Variants in EYS observed in about 807,000 individuals in gnomAD.
EYS encodes EGF-like photoreceptor maintenance factor, also known as protein eyes shut homolog.
EYS carries 250 observed loss-of-function variants against 282.1 expected under a neutral mutation model. The ratio of observed to expected loss-of-function variants is 0.89; its 90% confidence interval spans 0.80 to 0.98. The LOEUF (loss-of-function observed/expected upper bound fraction) is 0.98. Among genes scored for constraint, EYS ranks in the 50% least tolerant of loss-of-function variants. The pLI, the probability that EYS is intolerant of heterozygous loss-of-function variation, is 0.00. For missense variants in EYS, 4,016 were observed against 3,709.0 expected (o/e 1.08, Z -2.15); for synonymous variants, 1,355 against 1,282.9 (o/e 1.06, Z -1.20).
intron 12 of EYS, among the ~76,000 whole-genome samples, chr6:65,279,479 T>C (rs533070199): frequency 3.3e-5 from 5 of 152,324 alleles, no homozygotes; most frequent in East Asian, 3.9e-4. Flanking sequence ...CCCTAACTTA[T>C]ATTTTTCAGT....
intron 12 of EYS, among the ~76,000 whole-genome samples, chr6:65,057,991 A>T (rs1773466562): frequency 6.6e-6 from 1 of 152,254 alleles, no homozygotes; most frequent in Middle Eastern, 3.4e-3. Flanking sequence ...GATGTGAACT[A>T]ATTTATCTTT....
chr6:64,670,004 A>C (rs555070185), intron 22 of EYS, among the ~76,000 whole-genome samples: 2 of 152,246 alleles, frequency 1.3e-5, no homozygotes, highest in South Asian at 4.1e-4. Context: ...AATCTTTTAA[A>C]AACTCTTATA....
chr6:64,685,558 C>G (rs1441646814), intron 22 of EYS, among the ~76,000 whole-genome samples: 1 of 152,150 alleles, frequency 6.6e-6, no homozygotes, highest in Non-Finnish European at 1.5e-5. Context: ...CAGTCTCTCT[C>G]TTGCTTCCTC....
intron 31 of EYS, among the ~76,000 whole-genome samples, chr6:64,125,351 A>G (rs1773740221): frequency 6.6e-6 from 1 of 151,964 alleles, no homozygotes; most frequent in Admixed American, 6.6e-5. Flanking sequence ...GTTCCCATGC[A>G]TGGGTCAGCC....
chr6:63,968,300 C>A (rs1766398827), intron 35 of EYS, among the ~76,000 whole-genome samples: 1 of 152,082 alleles, frequency 6.6e-6, no homozygotes, highest in Non-Finnish European at 1.5e-5. Flanking sequence ...TAGCTTACAT[C>A]ATAATATTTT....
chr6:64,779,173 C>T (rs961914366), intron 22 of EYS, among the ~76,000 whole-genome samples: 13 of 152,216 alleles, frequency 8.5e-5, no homozygotes, highest in African/African-American at 2.9e-4. Context: ...AATTTGTGTA[C>T]ACTCAAAAAC....
At chr6:64,543,649 C>T (rs1321001378) in intron 26 of EYS, among the ~76,000 whole-genome samples, 1 of 152,030 alleles carries the variant, frequency 6.6e-6, no homozygotes, top group Non-Finnish European at 1.5e-5. Flanking sequence ...TCAACTTTAC[C>T]AAACACTATT....
At chr6:63,960,231 A>T (rs575727090) in intron 35 of EYS, among the ~76,000 whole-genome samples, 1 of 152,270 alleles carries the variant, frequency 6.6e-6, no homozygotes, top group African/African-American at 2.4e-5. Context: ...CATGTGGATG[A>T]CTTTGAGGGT....
intron 2 of EYS, among the ~76,000 whole-genome samples, chr6:65,572,576 C>T (rs1396078864): frequency 3.3e-5 from 5 of 151,962 alleles, no homozygotes; most frequent in Admixed American, 2.6e-4. Flanking sequence ...CAGTCATGTG[C>T]CACATAAGAG....
At chr6:64,313,004 A>C (rs1769783949) in intron 29 of EYS, among the ~76,000 whole-genome samples, 1 of 152,242 alleles carries the variant, frequency 6.6e-6, no homozygotes, top group Non-Finnish European at 1.5e-5. Context: ...CCTTGCAGCA[A>C]GGGAACAAAA....
At position 64,066,049 on chromosome 6, in the gene EYS, G is replaced by A. The variant is rs796553478; in HGVS notation, c.6725+289C>T. Among the ~76,000 whole-genome samples the A allele has an allele frequency of 1.2e-4, 18 of 152,172 alleles. 1 individual carries two copies. Among genetic ancestry groups the A allele is most frequent in the African/African-American group, 3.4e-4 (14 of 41,518 alleles). On this transcript the variant is annotated intron_variant, in intron 33 of 42. Coordinates refer to ENST00000503581, the MANE Select transcript of EYS (RefSeq NM_001142800.2). ...TAGGCCTAGGAGGATGAATCATGAG[G>A]TCAGGAGTTTGAGACCAGCCTGGCC...
chr6:65,495,130 G>A lies in EYS; in HGVS notation c.281C>T (p.Pro94Leu), dbSNP rs111947397. ...LGDILVISSEPSLQFPEINLM... is the reference protein window; with the variant it reads ...LGDILVISSELSLQFPEINLM... ...ATTTATTTCTGGAAATTGAAGAGAT[G>A]GTTCAGAAGAAATTACAAGGATATC... The change falls in exon 4 of 43, where the codon CCA becomes CTA. Residue 94 changes from proline (P) to leucine (L), a missense_variant. By Grantham distance (98) the Pro-to-Leu change is moderately conservative. Transcript: ENST00000503581. The A allele has an allele frequency of 6.2e-7, 1 of 1,613,932 alleles. No homozygotes were observed. The highest frequency in any genetic ancestry group is 8.5e-7 in the Non-Finnish European group (1 of 1,179,972).
intron 13 of EYS, among the ~76,000 whole-genome samples, chr6:65,044,594 G>A (rs1773043684): frequency 6.6e-6 from 1 of 151,818 alleles, no homozygotes; most frequent in East Asian, 1.9e-4. Flanking sequence ...TCTGGATTCT[G>A]TTTTCTTCCT....
chr6:65,579,842 G>A (rs968542686), intron 2 of EYS, among the ~76,000 whole-genome samples: 1 of 152,040 alleles, frequency 6.6e-6, no homozygotes, highest in African/African-American at 2.4e-5. Context: ...TTGTCTCCAG[G>A]GAGATAATTT....
At chr6:65,332,150 C>T in intron 11 of EYS, 1 of 462,802 alleles carries the variant, frequency 2.2e-6, no homozygotes, top group Non-Finnish European at 3.8e-6. Flanking sequence ...CTTCTCTTAT[C>T]AGATTGTGGA....
intron 24 of EYS, among the ~76,000 whole-genome samples, chr6:64,610,596 G>T (rs531534626): frequency 3.0e-4 from 46 of 151,866 alleles, no homozygotes; most frequent in African/African-American, 1.1e-3. Flanking sequence ...TAGAAACGGG[G>T]TTTCACCATG....
intron 2 of EYS, among the ~76,000 whole-genome samples, chr6:65,636,186 A>G (rs1582548416): frequency 6.6e-6 from 1 of 152,338 alleles, no homozygotes; most frequent in African/African-American, 2.4e-5. Flanking sequence ...AGACAAGGTC[A>G]TTTCTCTGCG....
In EYS at chr6:64,843,634, T is replaced by C. The variant is rs553283066; in HGVS notation, c.2993-20812A>G. On this transcript the variant is annotated intron_variant, in intron 19 of 42. Coordinates refer to ENST00000503581, the MANE Select transcript of EYS (RefSeq NM_001142800.2). ...CTTTACCCAATGCCTGTAACCTCAT[T>C]GTATCTAGGAAGTAACTAGCTTCCT... Among the ~76,000 whole-genome samples, 3 of 152,294 alleles carry C rather than the reference T, an allele frequency of 2.0e-5. No individual in the cohort carries two copies. In the South Asian group the frequency reaches 6.2e-4, roughly 32 times the overall value.
In EYS at chr6:64,298,354, G is replaced by C. The variant is rs572416200; in HGVS notation, c.6191+8616C>G. On this transcript the variant is annotated intron_variant, in intron 30 of 42. Transcript: ENST00000503581. ...ATGCATTTCAAAAATTACTAGTTGG[G>C]GGGGGCACACAATGTATAAAGATGT... Among the ~76,000 whole-genome samples the C allele has an allele frequency of 1.7e-3, 255 of 151,850 alleles. 1 individual carries two copies. In the Middle Eastern group the frequency reaches 0.031, roughly 18 times the overall value.
Sources: allele counts gnomAD v4.1 joint callset (sites outside exome capture counted in the v4.1 genomes callset), GRCh38; gene constraint gnomAD v4.1.1; transcripts MANE v1.5; gene names NCBI Gene and HGNC (gene_info 2026-07-23, HGNC 2026-07-21).